RIMS4: variants seen among roughly 807,000 people sequenced by gnomAD.
RIMS4 encodes regulating synaptic membrane exocytosis 4.
RIMS4 carries 9 observed loss-of-function variants against 29.0 expected under a neutral mutation model. That is an observed-to-expected ratio of 0.31 (90% CI 0.19 to 0.54). The LOEUF (loss-of-function observed/expected upper bound fraction) is 0.54, where lower values mean the gene tolerates loss of function less well. RIMS4 is among the 20% of genes least tolerant of loss of function. The pLI is 0.94. For missense variants in RIMS4, 193 were observed against 365.7 expected, an observed-to-expected ratio of 0.53 and a Z score of 3.85; for synonymous variants, 130 against 152.9, an observed-to-expected ratio of 0.85 and a Z score of 1.10.
intron 2 of RIMS4, among the ~76,000 whole-genome samples, chr20:44,764,415 T>C (rs1387345893): frequency 3.3e-5 from 5 of 152,176 alleles, no homozygotes; most frequent in Non-Finnish European, 5.9e-5. Flanking sequence ...AAGGCAAGAA[T>C]GCAGTAAAAA....
At chr20:44,788,947 T>C (rs986717009) in intron 1 of RIMS4, among the ~76,000 whole-genome samples, 2 of 152,046 alleles carry the variant, frequency 1.3e-5, no homozygotes, top group African/African-American at 4.8e-5. Flanking sequence ...ACCATGAAAA[T>C]GTCTTACAGA....
intron 1 of RIMS4, among the ~76,000 whole-genome samples, chr20:44,794,895 C>T (rs1286563598): frequency 1.3e-5 from 2 of 152,152 alleles, no homozygotes; most frequent in African/African-American, 2.4e-5. Flanking sequence ...TCCTTGCCTG[C>T]GGCCAGAGAG....
chr20:44,769,178 C>A (rs889657702), intron 2 of RIMS4, among the ~76,000 whole-genome samples: 7 of 152,188 alleles, frequency 4.6e-5, no homozygotes, highest in African/African-American at 1.7e-4. Context: ...CCCATTACAG[C>A]AAACAGTAAC....
intron 1 of RIMS4, among the ~76,000 whole-genome samples, chr20:44,808,869 G>A (rs560722802): frequency 6.6e-6 from 1 of 152,242 alleles, no homozygotes; most frequent in East Asian, 1.9e-4. Flanking sequence ...CTGGGCCCAG[G>A]AACTTCCTAA....
chr20:44,783,350 T>C (rs1007442175), intron 1 of RIMS4, among the ~76,000 whole-genome samples: 1 of 152,154 alleles, frequency 6.6e-6, no homozygotes, highest in African/African-American at 2.4e-5. Context: ...GGGCCGGGCA[T>C]GGTGGCTCAC....
At position 44,756,461 on chromosome 20, in the gene RIMS4, A is replaced by G; in HGVS notation, c.592-109T>C. ...AATCCAGCTCAGTCCTGTGATTTCT[A>G]CCTCCTTAAAACTGCAATTCCTCAA... is the stretch of plus-strand genomic sequence containing the variant. On this transcript the variant is annotated intron_variant, in intron 5 of 5. Transcript: ENST00000372851. The surrounding 1 kb of genome is among the most constrained non-coding windows in gnomAD (Gnocchi z 5.9). 2 of 859,992 alleles carry G rather than the reference A, an allele frequency of 2.3e-6. No individual in the cohort carries two copies. The highest frequency in any genetic ancestry group is 3.7e-6 in the Non-Finnish European group (2 of 546,718). 53.3% of individuals were successfully genotyped at this position (859,992 alleles called of 1,614,324 possible). A position where few individuals can be genotyped will look rare whatever the true frequency, so the allele number is the denominator to read the frequency against.
chr20:44,770,617 G>T (rs1289642545), intron 2 of RIMS4, among the ~76,000 whole-genome samples: 1 of 152,204 alleles, frequency 6.6e-6, no homozygotes, highest in Non-Finnish European at 1.5e-5. Flanking sequence ...TAAGTCAGCA[G>T]CCTGGATGTG....
At chr20:44,764,255 C>CATCCATCCATCCATCCATCCATTTA (rs1325046131) in intron 2 of RIMS4, among the ~76,000 whole-genome samples, 32 of 144,406 alleles carry the variant, frequency 2.2e-4, no homozygotes, top group African/African-American at 4.7e-4. Context: ...TCCATCCATC[C>CATCCATCCATCCATCCATCCATTTA]TCCCACAAAC....
At chr20:44,761,308 C>T (rs1235258354) in intron 2 of RIMS4, among the ~76,000 whole-genome samples, 1 of 152,198 alleles carries the variant, frequency 6.6e-6, no homozygotes, top group African/African-American at 2.4e-5. Context: ...CCAAATGACA[C>T]AGGTACTGCA....
chr20:44,776,491 C>T (rs971862347), intron 1 of RIMS4, among the ~76,000 whole-genome samples: 8 of 152,286 alleles, frequency 5.3e-5, no homozygotes, highest in African/African-American at 1.9e-4. Flanking sequence ...CTGGTTCTCA[C>T]TCCTCTCCTT....
Position 44,794,397 on chromosome 20 carries a change from C to T in RIMS4, c.97+15778G>A, listed in dbSNP as rs529127825. ...CCCAATTCCTGACCAGGGTTGAGTT[C>T]GTCAACCATTCAAACTTAGCCTTAA... On this transcript the variant is annotated intron_variant, in intron 1 of 5. Transcript: ENST00000372851. 7.2e-5 allele frequency among the ~76,000 whole-genome samples: 11 copies of T among 152,262 alleles called. No homozygotes were observed. The South Asian group carries it at 1.7e-3, about 23-fold the overall frequency.
At chr20:44,775,214 C>T (rs544598844) in intron 1 of RIMS4, among the ~76,000 whole-genome samples, 3 of 152,146 alleles carry the variant, frequency 2.0e-5, no homozygotes, top group Non-Finnish European at 4.4e-5. Context: ...CTCTGCTTGT[C>T]GTCCATCAGG....
intron 1 of RIMS4, among the ~76,000 whole-genome samples, chr20:44,801,022 T>C (rs1208774811): frequency 6.6e-6 from 1 of 152,238 alleles, no homozygotes; most frequent in Non-Finnish European, 1.5e-5. Flanking sequence ...ATGTCTTCTA[T>C]GTGTTGTACA....
chr20:44,787,577 G>C (rs1446977990), intron 1 of RIMS4, among the ~76,000 whole-genome samples: 1 of 151,836 alleles, frequency 6.6e-6, no homozygotes, highest in Non-Finnish European at 1.5e-5. Context: ...ACCCTGTCCT[G>C]TTCCACATGC....
chr20:44,760,459 G>A (rs1431936265), intron 2 of RIMS4, among the ~76,000 whole-genome samples: 1 of 152,212 alleles, frequency 6.6e-6, no homozygotes, highest in African/African-American at 2.4e-5. Context: ...CAGATCCATA[G>A]AGGCCTGGTG....
chr20:44,774,093 A>G (rs910678161), intron 1 of RIMS4, among the ~76,000 whole-genome samples: 1 of 151,944 alleles, frequency 6.6e-6, no homozygotes, highest in African/African-American at 2.4e-5. Context: ...AATGTCCACC[A>G]TCCAACCTCT....
intron 1 of RIMS4, among the ~76,000 whole-genome samples, chr20:44,775,701 T>C (rs1272467448): frequency 6.6e-6 from 1 of 152,166 alleles, no homozygotes; most frequent in African/African-American, 2.4e-5. Context: ...CCTTCATTAC[T>C]GCCTCCACAC....
chr20:44,805,615 T>G (rs900091055), intron 1 of RIMS4, among the ~76,000 whole-genome samples: 3 of 152,156 alleles, frequency 2.0e-5, no homozygotes, highest in African/African-American at 7.2e-5. Context: ...TCATCCACCC[T>G]GCCAGCCTCC....
Position 44,752,382 on chromosome 20 carries a change from A to G in RIMS4, c.*3752T>C, listed in dbSNP as rs1243115722. The G allele has an allele frequency of 6.6e-6, 1 of 152,268 alleles. No homozygotes were observed. Among genetic ancestry groups the G allele is most frequent in the East Asian group, 1.9e-4 (1 of 5,196 alleles). The allele number at this position is 152,268 out of a possible 1,614,324, so 9.4% of individuals were successfully genotyped here. ...CTGTTTCTGACACGGAAATGCACCC[A>G]GGAGCTCCTGGCTGAAGGGAATTGG... is the stretch of plus-strand genomic sequence containing the variant. On this transcript the variant is annotated 3_prime_UTR_variant, in exon 6 of 6. Transcript: ENST00000372851.
Sources: gnomAD v4.1 joint callset for allele counts (sites outside exome capture counted in the v4.1 genomes callset) on GRCh38, gnomAD v4.1.1 for gene constraint, Gnocchi (gnomAD v3.1) non-coding constraint, MANE v1.5 for transcripts, NCBI Gene and HGNC (gene_info 2026-07-23, HGNC 2026-07-21) for gene names.